TEAD1: variants seen among roughly 807,000 people sequenced by gnomAD.
TEAD1 encodes the protein TEA domain transcription factor 1, also known as transcriptional enhancer factor TEF-1.
Under a neutral mutation model 54.9 loss-of-function variants are expected in TEAD1, and 9 were observed. The observed-to-expected ratio is 0.16, with a 90% CI of 0.10 to 0.29. TEAD1 has a LOEUF of 0.29. TEAD1 is among the 10% of genes least tolerant of loss of function. The pLI is 1.00. For missense variants in TEAD1, 387 were observed against 535.9 expected, an observed-to-expected ratio of 0.72 and a Z score of 2.74; for synonymous variants, 200 against 187.8, an observed-to-expected ratio of 1.07 and a Z score of -0.53.
chr11:12,687,390 G>T (rs1487292780), intron 2 of TEAD1, among the ~76,000 whole-genome samples: 1 of 152,170 alleles, frequency 6.6e-6, no homozygotes, highest in Non-Finnish European at 1.5e-5. Flanking sequence ...GACAGGCCAG[G>T]TTCTGTCTCA....
At chr11:12,715,798 A>G (rs1475449084) in intron 2 of TEAD1, among the ~76,000 whole-genome samples, 1 of 152,150 alleles carries the variant, frequency 6.6e-6, no homozygotes, top group Non-Finnish European at 1.5e-5. Flanking sequence ...GGAAAAATTT[A>G]TACTAATAAA....
chr11:12,807,948 A>G (rs1448705028), intron 3 of TEAD1, among the ~76,000 whole-genome samples: 6 of 152,160 alleles, frequency 3.9e-5, no homozygotes, highest in Non-Finnish European at 8.8e-5. Flanking sequence ...CGAGTCCTAG[A>G]TGTAATTTGT....
intron 9 of TEAD1, among the ~76,000 whole-genome samples, chr11:12,894,302 A>G (rs563011158): frequency 1.3e-5 from 2 of 152,134 alleles, no homozygotes; most frequent in East Asian, 3.9e-4. Context: ...GTCTGAGGGC[A>G]CCTCGCAGAT....
intron 3 of TEAD1, chr11:12,822,671 A>C (rs1280102808): frequency 6.6e-6 from 1 of 152,244 alleles, no homozygotes; most frequent in East Asian, 1.9e-4. Context: ...AGCTAAGCAG[A>C]AGCCAGAGAG....
At chr11:12,796,039 T>A (rs1193640035) in intron 3 of TEAD1, among the ~76,000 whole-genome samples, 3 of 152,208 alleles carry the variant, frequency 2.0e-5, no homozygotes, top group Admixed American at 2.0e-4. Flanking sequence ...GGTTGAGAAT[T>A]CTTTTTGCAC....
At chr11:12,677,986 T>TA (rs963651574) in intron 2 of TEAD1, among the ~76,000 whole-genome samples, 2 of 152,236 alleles carry the variant, frequency 1.3e-5, no homozygotes, top group Non-Finnish European at 2.9e-5. Flanking sequence ...CTGGTGGACT[T>TA]AAAAATGACC....
chr11:12,776,372 G>A (rs528446820), intron 3 of TEAD1, among the ~76,000 whole-genome samples: 4 of 152,068 alleles, frequency 2.6e-5, no homozygotes, highest in Admixed American at 6.5e-5. Flanking sequence ...AGTATTTTTC[G>A]TTCAGCTTGT....
intron 3 of TEAD1, among the ~76,000 whole-genome samples, chr11:12,808,907 G>T (rs563718582): frequency 7.6e-4 from 116 of 152,302 alleles, no homozygotes; most frequent in Non-Finnish European, 1.5e-3. Flanking sequence ...TGAGAATACA[G>T]GTGACAGGCT....
intron 2 of TEAD1, among the ~76,000 whole-genome samples, chr11:12,727,839 A>G (rs942220104): frequency 6.6e-6 from 1 of 152,044 alleles, no homozygotes; most frequent in African/African-American, 2.4e-5. Context: ...AGGCTTTCAT[A>G]GTCCTTGTTC....
At chr11:12,744,759 T>C (rs1469748719) in intron 2 of TEAD1, among the ~76,000 whole-genome samples, 1 of 152,174 alleles carries the variant, frequency 6.6e-6, no homozygotes, top group Non-Finnish European at 1.5e-5. Context: ...GGATTTAAAC[T>C]TGGAGAAGCA....
At chr11:12,709,498 C>T (rs188982421) in intron 2 of TEAD1, among the ~76,000 whole-genome samples, 35 of 151,966 alleles carry the variant, frequency 2.3e-4, no homozygotes, top group African/African-American at 8.2e-4. Flanking sequence ...TCTCAACTTC[C>T]TGAGTAGCTG....
At chr11:12,796,052 GTTC>G (rs1945912539) in intron 3 of TEAD1, among the ~76,000 whole-genome samples, 1 of 152,182 alleles carries the variant, frequency 6.6e-6, no homozygotes, top group Non-Finnish European at 1.5e-5. Flanking sequence ...TTTTGCACAG[GTTC>G]TTCTTTTTAT....
chr11:12,901,156 C>T (rs755771558), intron 9 of TEAD1, among the ~76,000 whole-genome samples: 1 of 152,166 alleles, frequency 6.6e-6, no homozygotes, highest in African/African-American at 2.4e-5. Flanking sequence ...GGTTGAGAAC[C>T]ATTGGTTTGG....
intron 3 of TEAD1, among the ~76,000 whole-genome samples, chr11:12,781,789 A>G (rs1945551363): frequency 1.3e-5 from 2 of 151,806 alleles, no homozygotes; most frequent in Non-Finnish European, 1.5e-5. Flanking sequence ...CCATAGAGTT[A>G]TTATAGGACC....
chr11:12,814,066 G>A (rs1180724163), intron 3 of TEAD1, among the ~76,000 whole-genome samples: 1 of 152,194 alleles, frequency 6.6e-6, no homozygotes, highest in Non-Finnish European at 1.5e-5. Flanking sequence ...TGGGAGCCGT[G>A]TCTCATTCCC....
chr11:12,753,744 T>A (rs919299287), intron 2 of TEAD1, among the ~76,000 whole-genome samples: 4 of 152,154 alleles, frequency 2.6e-5, no homozygotes, highest in African/African-American at 9.7e-5. Context: ...GAGTTGTGAT[T>A]TGGTCCAGTT....
chr11:12,836,481 A>G (rs1266812191), intron 3 of TEAD1, among the ~76,000 whole-genome samples: 1 of 151,800 alleles, frequency 6.6e-6, no homozygotes, highest in African/African-American at 2.4e-5. Context: ...CACTTAGTGT[A>G]GTGTGGATGA....
At chr11:12,807,785 G>GGT (rs1288881627) in intron 3 of TEAD1, among the ~76,000 whole-genome samples, 1 of 152,188 alleles carries the variant, frequency 6.6e-6, no homozygotes, top group East Asian at 1.9e-4. Flanking sequence ...TACCTGTTAA[G>GGT]GTGAAGTAGG....
At chr11:12,732,105 A>G (rs1944436103) in intron 2 of TEAD1, among the ~76,000 whole-genome samples, 1 of 151,808 alleles carries the variant, frequency 6.6e-6, no homozygotes, top group African/African-American at 2.4e-5. Context: ...CCCTAAGTGC[A>G]TGACTTGACA....
Sources: gnomAD v4.1 joint callset for allele counts (sites outside exome capture counted in the v4.1 genomes callset) on GRCh38, gnomAD v4.1.1 for gene constraint, MANE v1.5 for transcripts, NCBI Gene and HGNC (gene_info 2026-07-23, HGNC 2026-07-21) for gene names.